The following TRIM52 variants were observed in gnomAD, a reference collection of about 807,000 sequenced individuals.
TRIM52 encodes the protein E3 ubiquitin-protein ligase TRIM52.
TRIM52 carries 24 observed loss-of-function variants against 27.0 expected under a neutral mutation model. That is an observed-to-expected ratio of 0.89 (90% CI 0.64 to 1.25). The LOEUF is 1.25. Among genes scored for constraint, TRIM52 ranks in the 50% most tolerant of loss-of-function variants. The pLI, the probability that TRIM52 is intolerant of heterozygous loss-of-function variation, is 0.00. For missense variants in TRIM52, 351 were observed against 354.7 expected (o/e 0.99, Z 0.08); for synonymous variants, 125 against 126.5 (o/e 0.99, Z 0.08).
rs1759997292 is a variant in TRIM52 at position 181,260,403 on chromosome 5, T to G, written c.411A>C (p.Gly137=). The part of the protein sequence containing the change: ...EEEEDQDYYL[G]GLRPDLRIDV... ...CAATTCTCAGGTCAGGTCTCAAGCC[T>G]CCTAGGTAATAGTCCTGATCTTCCT... The change falls in exon 1 of 2, where the codon GGA becomes GGC. Residue 137 remains glycine, a synonymous_variant. Coordinates refer to ENST00000688015, the MANE Select transcript of TRIM52 (RefSeq NM_001346048.2). The surrounding 1 kb of genome is among the most constrained non-coding windows in gnomAD (Gnocchi z 4.4). 2 of 1,609,246 alleles carry G rather than the reference T, an allele frequency of 1.2e-6. No individual in the cohort carries two copies. Among genetic ancestry groups the G allele is most frequent in the Non-Finnish European group, 1.7e-6 (2 of 1,179,732 alleles).
chr5:181,260,266 C>T lies in TRIM52; in HGVS notation c.548G>A (p.Cys183Tyr). ...PSLPLPGQFT[C>Y]PQCRKSFTRR... ...TGTAAAGCTCTTTCGGCACTGGGGGCAGGTGAACTGCCCTGGAAGGGGCAA... is the reference window on the plus strand; with the variant it reads ...TGTAAAGCTCTTTCGGCACTGGGGGTAGGTGAACTGCCCTGGAAGGGGCAA... The change falls in exon 1 of 2, where the codon TGC becomes TAC. Residue 183 changes from cysteine (C) to tyrosine (Y), a missense_variant. Coordinates refer to ENST00000688015, the MANE Select transcript of TRIM52 (RefSeq NM_001346048.2). This position sits in a 1 kb window ranked among gnomAD's most constrained non-coding sequence, Gnocchi z 4.4. 3.1e-6 allele frequency: 5 copies of T among 1,614,190 alleles called. No homozygotes were observed. Among genetic ancestry groups the T allele is most frequent in the Non-Finnish European group, 4.2e-6 (5 of 1,180,024 alleles).
At chr5:181,253,192 T>C (rs1020356101), downstream of TRIM52, among the ~76,000 whole-genome samples, 1 of 141,514 alleles carries the variant, frequency 7.1e-6, no homozygotes, top group African/African-American at 3.0e-5. Context: ...TGCGCCACCA[T>C]GCCTGGCTAA....
rs1336143719 is a variant in TRIM52 at position 181,260,672 on chromosome 5, A to G, written c.142T>C (p.Trp48Arg). ...NFCRGCVTQL[W>R]SKEDEEDQNE... is the part of the protein sequence containing the mutation. ...TGGTCCTCCTCGTCCTCCTTACTCCACAGCTGGGTCACACACCCTCGGCAG... is the reference window on the plus strand; with the variant it reads ...TGGTCCTCCTCGTCCTCCTTACTCCGCAGCTGGGTCACACACCCTCGGCAG... The change falls in exon 1 of 2, where the codon TGG (tryptophan) becomes CGG (arginine). Residue 48 changes from tryptophan to arginine, a missense_variant. Trp to Arg is a moderately radical substitution (Grantham distance 101). Transcript: ENST00000688015. The surrounding 1 kb of genome is among the most constrained non-coding windows in gnomAD (Gnocchi z 4.4). 1.9e-6 allele frequency: 3 copies of G among 1,613,020 alleles called. No homozygotes were observed. Among genetic ancestry groups the G allele is most frequent in the Non-Finnish European group, 2.5e-6 (3 of 1,179,822 alleles).
At position 181,260,623 on chromosome 5, in the gene TRIM52, T is replaced by C; in HGVS notation, c.191A>G (p.Glu64Gly). 2 of 1,613,802 alleles carry C rather than the reference T, an allele frequency of 1.2e-6. No homozygotes were observed. Among genetic ancestry groups the C allele is most frequent in the Non-Finnish European group, 1.7e-6 (2 of 1,179,960 alleles). Residue 64 changes from glutamate to glycine, a missense_variant, in exon 1 of 2, where the codon GAG becomes GGG. Coordinates refer to ENST00000688015, the MANE Select transcript of TRIM52 (RefSeq NM_001346048.2). This position sits in a 1 kb window ranked among gnomAD's most constrained non-coding sequence, Gnocchi z 4.4. Reference sequence around the variant, plus strand: ...CACCGCTTCCTCGTCCTCCTCCTCCTCCCATTCATCTTCCTCCTCGTTCTG... The same window carrying C: ...CACCGCTTCCTCGTCCTCCTCCTCCCCCCATTCATCTTCCTCCTCGTTCTG... ...EDQNEEEDEW[E>G]EEEDEEAVGA...
chr5:181,257,271 C>G (rs975563368), intron 1 of TRIM52: 1 of 1,294,648 alleles, frequency 7.7e-7, no homozygotes, highest in African/African-American at 1.5e-5. Context: ...GCCAAAAAGC[C>G]TCTTCTTACA....
Position 181,255,463 on chromosome 5 carries a change from C to T in TRIM52, c.*1346G>A, listed in dbSNP as rs747652084. The T allele has an allele frequency of 6.6e-6, 1 of 152,212 alleles. No individual in the cohort carries two copies. Among genetic ancestry groups the T allele is most frequent in the Non-Finnish European group, 1.5e-5 (1 of 68,038 alleles). 9.4% of individuals were successfully genotyped at this position (152,212 alleles called of 1,614,324 possible). ...ATTAGACTTTGAGTTTCACAAACTC[C>T]TCTTGAAGCTCTTCCAGTGAGGCCT... On this transcript the variant is annotated 3_prime_UTR_variant, in exon 2 of 2. Transcript: ENST00000688015.
rs769712041 is a variant in TRIM52, at chr5:181,260,792, G to GA, written c.21dup (p.Pro8SerfsTer43). 1 of 1,597,530 alleles carries GA rather than the reference G, an allele frequency of 6.3e-7. No homozygotes were observed. ...TCCTGAAGGGTCTGCATGGGGCTGGGAGTAGTGGCATAACCAGCCATCTTA... is the reference window on the plus strand; with the variant it reads ...TCCTGAAGGGTCTGCATGGGGCTGGGAAGTAGTGGCATAACCAGCCATCTTA... On this transcript the variant is annotated frameshift_variant, in exon 1 of 2. Coordinates refer to ENST00000688015, the MANE Select transcript of TRIM52 (RefSeq NM_001346048.2). LOFTEE classifies it high-confidence loss of function. This position sits in a 1 kb window ranked among gnomAD's most constrained non-coding sequence, Gnocchi z 4.4.
rs1339849060 is a variant in TRIM52 at position 181,259,843 on chromosome 5, A to G, written c.813+158T>C. The G allele has an allele frequency of 9.2e-5, 137 of 1,497,072 alleles. No individual in the cohort carries two copies. The South Asian group carries it at 1.6e-3, about 18-fold the overall frequency. The allele number at this position is 1,497,072 out of a possible 1,614,324, so 92.7% of individuals were successfully genotyped here. A position where few individuals can be genotyped will look rare whatever the true frequency, so the allele number is the denominator to read the frequency against. On this transcript the variant is annotated intron_variant, in intron 1 of 1. Transcript: ENST00000688015. ...TGGTTTTGTGTCTCCTTTTTTACCC[A>G]TATGACCATCTCTCTCCACCGTGTC...
rs988185127 is a variant in TRIM52 at position 181,260,333 on chromosome 5, C to T, written c.481G>A (p.Glu161Lys). The T allele has an allele frequency of 6.2e-7, 1 of 1,613,988 alleles. No individual in the cohort carries two copies. Among genetic ancestry groups the T allele is most frequent in the African/African-American group, 1.3e-5 (1 of 74,906 alleles). ...ATGTCAGGATACAGCTCTTCATCTT[C>T]GTCCTCATCGTATGCTTCCAGTATT... ...EEILEAYDED[E>K]DEELYPDIHP... Residue 161 changes from glutamate to lysine, a missense_variant, in exon 1 of 2, where the codon GAA becomes AAA. Transcript: ENST00000688015. This position sits in a 1 kb window ranked among gnomAD's most constrained non-coding sequence, Gnocchi z 4.4.
downstream of TRIM52, among the ~76,000 whole-genome samples, chr5:181,252,773 C>T (rs1247866849): frequency 6.6e-6 from 1 of 152,188 alleles, no homozygotes; most frequent in Non-Finnish European, 1.5e-5. Context: ...ACTGTGGACT[C>T]AGTGGTTCTG....
At chr5:181,249,843 T>C (rs543370475), downstream of TRIM52, among the ~76,000 whole-genome samples, 18 of 149,846 alleles carry the variant, frequency 1.2e-4, no homozygotes, top group Non-Finnish European at 1.9e-4. Context: ...TTTTTTTTTT[T>C]TTTTTGAGAC....
chr5:181,252,351 A>AAAATT (rs1481619638), downstream of TRIM52, among the ~76,000 whole-genome samples: 1 of 152,252 alleles, frequency 6.6e-6, no homozygotes, highest in Non-Finnish European at 1.5e-5. Context: ...GTGGCTAATT[A>AAAATT]AAATTAAATT....
rs1334188187 is a variant in TRIM52 at position 181,260,345 on chromosome 5, A to G, written c.469T>C (p.Tyr157His). 1 of 1,613,944 alleles carries G rather than the reference A, an allele frequency of 6.2e-7. No homozygotes were observed. Among genetic ancestry groups the G allele is most frequent in the South Asian group, 1.1e-5 (1 of 91,036 alleles). ...AGCTCTTCATCTTCGTCCTCATCGTATGCTTCCAGTATTTCTTCTTCTCGG... is the reference window on the plus strand; with the variant it reads ...AGCTCTTCATCTTCGTCCTCATCGTGTGCTTCCAGTATTTCTTCTTCTCGG... ...VYREEEILEA[Y>H]DEDEDEELYP... Residue 157 changes from tyrosine (Y) to histidine (H), a missense_variant, in exon 1 of 2, where the codon TAC becomes CAC. Physicochemically the swap from Tyr to His is moderately conservative, Grantham distance 83. Coordinates refer to ENST00000688015, the MANE Select transcript of TRIM52 (RefSeq NM_001346048.2). This position sits in a 1 kb window ranked among gnomAD's most constrained non-coding sequence, Gnocchi z 4.4.
At position 181,255,960 on chromosome 5, in the gene TRIM52, G is replaced by A. The variant is rs1483026234; in HGVS notation, c.*849C>T. 1 of 152,204 alleles carries A rather than the reference G, an allele frequency of 6.6e-6. No individual in the cohort carries two copies. Among genetic ancestry groups the A allele is most frequent in the East Asian group, 1.9e-4 (1 of 5,208 alleles). 9.4% of individuals were successfully genotyped at this position (152,204 alleles called of 1,614,324 possible). The stretch of plus-strand genomic sequence containing the variant: ...AATATGTAACAGAAAACATGGAATG[G>A]CATTTAGATCTTCAAAAAGCAGGGC... On this transcript the variant is annotated 3_prime_UTR_variant, in exon 2 of 2. Coordinates refer to ENST00000688015, the MANE Select transcript of TRIM52 (RefSeq NM_001346048.2).
chr5:181,257,396 C>T (rs767683717), intron 1 of TRIM52: 2 of 1,593,116 alleles, frequency 1.3e-6, no homozygotes, highest in East Asian at 2.2e-5. Context: ...CCTGTGGCTA[C>T]CCAACTTTTC....
chr5:181,249,438 T>C (rs1309123363), downstream of TRIM52, among the ~76,000 whole-genome samples: 2 of 152,000 alleles, frequency 1.3e-5, no homozygotes, highest in Non-Finnish European at 2.9e-5. Flanking sequence ...ATCCCAGCAG[T>C]TTGGGAGGCT....
chr5:181,256,851 C>T lies in TRIM52; in HGVS notation c.822G>A (p.Gly274=). The T allele has an allele frequency of 8.1e-6, 8 of 985,438 alleles. No individual in the cohort carries two copies. The highest frequency in any genetic ancestry group is 9.6e-6 in the Non-Finnish European group (8 of 829,972). The allele number at this position is 985,438 out of a possible 1,614,324, so 61.0% of individuals were successfully genotyped here. ...EEVVQEYQKI[G]STSSVELSES... is the part of the protein sequence containing the mutation. ...CAGATAACTCAACTGAAGAAGTTGACCCTATCTTCTGCAAAATAACATGAG... is the reference window on the plus strand; with the variant it reads ...CAGATAACTCAACTGAAGAAGTTGATCCTATCTTCTGCAAAATAACATGAG... The change falls in exon 2 of 2, where the codon GGG becomes GGA. Residue 274 remains glycine, a synonymous_variant. Coordinates refer to ENST00000688015, the MANE Select transcript of TRIM52 (RefSeq NM_001346048.2).
intron 1 of TRIM52, chr5:181,258,318 A>C (rs1759872767): frequency 6.6e-6 from 1 of 152,252 alleles, no homozygotes; most frequent in Non-Finnish European, 1.5e-5. Context: ...TGAACCCGGG[A>C]AACGGAGGTT....
Position 181,256,850 on chromosome 5 carries a change from A to G in TRIM52, c.823T>C (p.Ser275Pro). 10 of 985,436 alleles carry G rather than the reference A, an allele frequency of 1.0e-5. No individual in the cohort carries two copies. Among genetic ancestry groups the G allele is most frequent in the Non-Finnish European group, 1.2e-5 (10 of 829,964 alleles). 61.0% of individuals were successfully genotyped at this position (985,436 alleles called of 1,614,324 possible). Residue 275 changes from serine to proline, a missense_variant, in exon 2 of 2, where the codon TCA becomes CCA. Ser to Pro is a moderately conservative substitution (Grantham distance 74, BLOSUM62 -1). Transcript: ENST00000688015. Reference protein sequence around the residue: ...EVVQEYQKIGSTSSVELSESV... With the variant: ...EVVQEYQKIGPTSSVELSESV... ...TCAGATAACTCAACTGAAGAAGTTG[A>G]CCCTATCTTCTGCAAAATAACATGA...
Sources: gnomAD v4.1 joint callset for allele counts (sites outside exome capture counted in the v4.1 genomes callset) on GRCh38, gnomAD v4.1.1 for gene constraint, Gnocchi (gnomAD v3.1) non-coding constraint, MANE v1.5 for transcripts, NCBI Gene and HGNC (gene_info 2026-07-23, HGNC 2026-07-21) for gene names.